CAST: variants seen among roughly 807,000 people sequenced by gnomAD.
CAST encodes the protein MIR583 host.
Under a neutral mutation model 119.6 loss-of-function variants are expected in CAST, and 76 were observed. The observed-to-expected ratio is 0.64, with a 90% CI of 0.53 to 0.77. The LOEUF (loss-of-function observed/expected upper bound fraction) is 0.77, where lower values mean the gene tolerates loss of function less well. Among genes scored for constraint, CAST ranks in the 30% least tolerant of loss-of-function variants. The pLI, the probability that CAST is intolerant of heterozygous loss-of-function variation, is 0.00. For synonymous variants in CAST, 319 were observed against 331.6 expected (o/e 0.96, Z 0.41); for missense variants, 953 against 946.5 (o/e 1.01, Z -0.09).
the CAST span, among the ~76,000 whole-genome samples, chr5:96,407,871 A>C: frequency 6.6e-6 from 1 of 152,354 alleles, no homozygotes; most frequent in East Asian, 1.9e-4. Flanking sequence ...AATAAACAAA[A>C]GGCGTTGTAG....
At chr5:96,095,590 C>G in the CAST span, among the ~76,000 whole-genome samples, 1 of 128,102 alleles carries the variant, frequency 7.8e-6, no homozygotes, top group African/African-American at 2.9e-5. Context: ...AAAAAAAAGA[C>G]CTATTATATG....
At chr5:96,017,359 C>T in the CAST span, among the ~76,000 whole-genome samples, 1 of 152,054 alleles carries the variant, frequency 6.6e-6, no homozygotes, top group African/African-American at 2.4e-5. Flanking sequence ...TATTTTTGTC[C>T]TTCTCTATTT....
At chr5:96,248,726 A>G in the CAST span, among the ~76,000 whole-genome samples, 2,663 of 152,378 alleles carry the variant, frequency 0.017, 37 homozygotes, top group Non-Finnish European at 0.027. Context: ...ACAATGAAAT[A>G]TTATAATGTG....
intron 1 of CAST, among the ~76,000 whole-genome samples, chr5:96,617,817 A>C (rs1488590764): frequency 7.0e-6 from 1 of 142,030 alleles, no homozygotes; most frequent in Non-Finnish European, 1.5e-5. Flanking sequence ...AAAAAAAAAA[A>C]AAAAAAAAAA....
the CAST span, among the ~76,000 whole-genome samples, chr5:96,186,097 ATTCTT>A: frequency 1.2e-3 from 179 of 152,002 alleles, no homozygotes; most frequent in Non-Finnish European, 1.8e-3. Context: ...TAGATATTTT[ATTCTT>A]TTTGTAGCAA....
chr5:96,335,426 A>G, the CAST span, among the ~76,000 whole-genome samples: 2 of 152,154 alleles, frequency 1.3e-5, no homozygotes, highest in African/African-American at 4.8e-5. Context: ...TATGATAGTC[A>G]TATTATATTC....
At chr5:96,203,968 G>T in the CAST span, among the ~76,000 whole-genome samples, 1 of 152,072 alleles carries the variant, frequency 6.6e-6, no homozygotes, top group Non-Finnish European at 1.5e-5. Context: ...CCTAGGAGGA[G>T]TTGTGGGAAG....
At chr5:96,101,990 G>A in the CAST span, among the ~76,000 whole-genome samples, 1 of 152,162 alleles carries the variant, frequency 6.6e-6, no homozygotes, top group African/African-American at 2.4e-5. Flanking sequence ...AGGTTGGGGT[G>A]CCTACAACCC....
At chr5:96,409,164 A>C in the CAST span, among the ~76,000 whole-genome samples, 16 of 152,224 alleles carry the variant, frequency 1.1e-4, no homozygotes, top group Admixed American at 1.0e-3. Flanking sequence ...AACTGAAAAG[A>C]CTTCCTGTCT....
At chr5:96,180,328 A>T in the CAST span, among the ~76,000 whole-genome samples, 1 of 152,248 alleles carries the variant, frequency 6.6e-6, no homozygotes, top group South Asian at 2.1e-4. Context: ...ATTTGTTCAT[A>T]GTACACCAGG....
intron 1 of CAST, among the ~76,000 whole-genome samples, chr5:96,556,101 G>A (rs1405171402): frequency 6.6e-6 from 1 of 152,206 alleles, no homozygotes; most frequent in Non-Finnish European, 1.5e-5. Context: ...GGCAAACAGG[G>A]TCTGGAGTGG....
the CAST span, chr5:96,432,974 G>A: frequency 6.2e-7 from 1 of 1,614,078 alleles, no homozygotes; most frequent in African/African-American, 1.3e-5. Flanking sequence ...CTTTTGCACT[G>A]TTCAGTGCAC....
At chr5:96,708,889 A>G (rs1214140469) in intron 3 of CAST, among the ~76,000 whole-genome samples, 1 of 152,220 alleles carries the variant, frequency 6.6e-6, no homozygotes, top group Non-Finnish European at 1.5e-5. Context: ...ATTTGTAACA[A>G]TGACTCTCCC....
chr5:96,003,607 A>G, the CAST span, among the ~76,000 whole-genome samples: 1 of 152,238 alleles, frequency 6.6e-6, no homozygotes, highest in Admixed American at 6.5e-5. Flanking sequence ...TTGCTTGCAC[A>G]GTTTGTTTCA....
At chr5:96,614,931 G>T (rs1016256902) in intron 1 of CAST, among the ~76,000 whole-genome samples, 16 of 152,180 alleles carry the variant, frequency 1.1e-4, no homozygotes, top group Non-Finnish European at 5.9e-5. Context: ...CCTCAGCGCT[G>T]CCTTGAGTGA....
Position 96,675,555 on chromosome 5 carries a change from C to A in CAST, c.92C>A (p.Thr31Asn), listed in dbSNP as rs778505100. 23 of 1,612,750 alleles carry A rather than the reference C, an allele frequency of 1.4e-5. No individual in the cohort carries two copies. The highest frequency in any genetic ancestry group is 6.7e-5 in the East Asian group (3 of 44,834). Reference protein sequence around the residue: ...RRTHEHVSEKTSESPSKPGEK... With the variant: ...RRTHEHVSEKNSESPSKPGEK... ...TTTTTATAGCATGTCAGTGAAAAAA[C>A]CAGTGAATCGCCTTCCAAACCAGGA... The change falls in exon 2 of 32, where the codon ACC becomes AAC. Residue 31 changes from threonine to asparagine, a missense_variant. Physicochemically the swap from Thr to Asn is moderately conservative, Grantham distance 65 (BLOSUM62 0). Transcript: ENST00000675179.
At chr5:96,499,421 CTG>C in the CAST span, among the ~76,000 whole-genome samples, 1 of 152,236 alleles carries the variant, frequency 6.6e-6, no homozygotes, top group Non-Finnish European at 1.5e-5. Context: ...TCTTAAAAAA[CTG>C]TGTCTTAATT....
chr5:96,185,541 G>T, the CAST span, among the ~76,000 whole-genome samples: 1 of 152,130 alleles, frequency 6.6e-6, no homozygotes, highest in African/African-American at 2.4e-5. Context: ...CATAAGGAAG[G>T]GGTCCAGTTT....
the CAST span, among the ~76,000 whole-genome samples, chr5:96,001,216 C>G: frequency 6.6e-6 from 1 of 152,056 alleles, no homozygotes; most frequent in African/African-American, 2.4e-5. Context: ...CACTCTTAAG[C>G]AAAGGTAAGA....
Sources: gnomAD v4.1 joint callset for allele counts (sites outside exome capture counted in the v4.1 genomes callset) on GRCh38, gnomAD v4.1.1 for gene constraint, MANE v1.5 for transcripts, NCBI Gene and HGNC (gene_info 2026-07-23, HGNC 2026-07-21) for gene names.